The following AKAP13 variants were observed in gnomAD, a reference collection of about 807,000 sequenced individuals.
The protein encoded by AKAP13 is A-kinase anchoring protein 13, also known as A-kinase anchor protein 13.
In AKAP13, 80 loss-of-function variants were observed where a neutral mutation model predicts 264.5. The observed-to-expected ratio is 0.30, with a 90% CI of 0.25 to 0.36. AKAP13 has a LOEUF of 0.36. AKAP13 is among the 10% of genes least tolerant of loss of function. The pLI, the probability that AKAP13 is intolerant of heterozygous loss-of-function variation, is 1.00. For synonymous variants in AKAP13, 1,380 were observed against 1,250.2 expected (o/e 1.10, Z -2.19); for missense variants, 3,712 against 3,435.2 (o/e 1.08, Z -2.01).
intron 30 of AKAP13, among the ~76,000 whole-genome samples, chr15:85,732,679 C>T (rs535268630): frequency 1.3e-4 from 19 of 149,910 alleles, no homozygotes; most frequent in South Asian, 6.3e-4. Flanking sequence ...TCATAGAATT[C>T]GAATATTATA....
rs2076547594 is a variant in AKAP13 at position 85,514,678 on chromosome 15, T to C, written c.34-6750T>C. Among the ~76,000 whole-genome samples the C allele has an allele frequency of 1.4e-5, 2 of 138,250 alleles. 1 individual carries two copies. The highest frequency in any genetic ancestry group is 5.8e-5 in the African/African-American group (2 of 34,348). The allele number at this position is 138,250 out of a possible 152,430, so 90.7% of individuals were successfully genotyped here. A position where few individuals can be genotyped will look rare whatever the true frequency, so the allele number is the denominator to read the frequency against. On this transcript the variant is annotated intron_variant, in intron 2 of 36. Transcript: ENST00000394518. ...TTGCCAAGTTAAAATGCCATGACTT[T>C]GCCTTTTAGCCTATGGAAAAGTTGT...
intron 1 of AKAP13, among the ~76,000 whole-genome samples, chr15:85,445,449 G>A (rs942576158): frequency 2.0e-5 from 3 of 152,172 alleles, no homozygotes; most frequent in Non-Finnish European, 4.4e-5. Flanking sequence ...AATCATTGAT[G>A]CATAAATAAT....
chr15:85,581,364 G>T lies in AKAP13; in HGVS notation c.3296G>T (p.Gly1099Val). The change falls in exon 7 of 37, where the codon GGT (glycine) becomes GTT (valine). Residue 1099 changes from glycine to valine, a missense_variant. By Grantham distance (109) the Gly-to-Val change is moderately radical. Coordinates refer to ENST00000394518, the MANE Select transcript of AKAP13 (RefSeq NM_007200.5). ...VDVTGVNALQ[G>V]MAEPRRENIS... is the part of the protein sequence containing the mutation. ...GTTACAGGGGTTAATGCTCTACAAG[G>T]TATGGCTGAGCCCAGAAGAGAGAAT... 2 of 1,614,220 alleles carry T rather than the reference G, an allele frequency of 1.2e-6. No homozygotes were observed. Among genetic ancestry groups the T allele is most frequent in the East Asian group, 2.2e-5 (1 of 44,888 alleles).
intron 8 of AKAP13, 30 bp from the exon 9 acceptor site, chr15:85,639,344 C>T: frequency 6.6e-7 from 1 of 1,517,494 alleles, no homozygotes; most frequent in Non-Finnish European, 9.1e-7. Context: ...ACTTCAATGT[C>T]TGAAACTCTG....
intron 8 of AKAP13, among the ~76,000 whole-genome samples, chr15:85,626,798 AT>A (rs199614874): frequency 4.0e-4 from 58 of 146,326 alleles, no homozygotes; most frequent in Non-Finnish European, 3.6e-4. Context: ...TGTATGTTTA[AT>A]TTTTTTTTTT....
chr15:85,553,367 C>T (rs2078032364), intron 5 of AKAP13, among the ~76,000 whole-genome samples: 2 of 152,142 alleles, frequency 1.3e-5, no homozygotes, highest in Non-Finnish European at 1.5e-5. Context: ...GGATTACAGG[C>T]ATGAGCCACC....
intron 5 of AKAP13, among the ~76,000 whole-genome samples, chr15:85,545,872 T>C (rs938914521): frequency 6.6e-6 from 1 of 152,212 alleles, no homozygotes; most frequent in African/African-American, 2.4e-5. Flanking sequence ...GTTAAAATAG[T>C]AAATTTTAGG....
intron 3 of AKAP13, 115 bp from the exon 4 acceptor site, chr15:85,533,469 G>C (rs1372892012): frequency 1.9e-6 from 2 of 1,029,858 alleles, no homozygotes; most frequent in African/African-American, 3.2e-5. Context: ...AGGAGGGGGT[G>C]TTTTTTAGGA....
chr15:85,491,503 T>C (rs2075723851), intron 2 of AKAP13, among the ~76,000 whole-genome samples: 1 of 146,396 alleles, frequency 6.8e-6, no homozygotes, highest in Admixed American at 6.8e-5. Context: ...ATATTTATTA[T>C]ATATTATATA....
At chr15:85,430,492 G>A (rs945719556) in intron 1 of AKAP13, among the ~76,000 whole-genome samples, 2 of 152,222 alleles carry the variant, frequency 1.3e-5, no homozygotes, top group Admixed American at 1.3e-4. Flanking sequence ...GGGGATGTGA[G>A]TGATTGGAAT....
Position 85,664,538 on chromosome 15 carries a change from A to AT in AKAP13, c.4800-23dup, listed in dbSNP as rs773391975. 16 of 1,575,756 alleles carry AT rather than the reference A, an allele frequency of 1.0e-5. No individual in the cohort carries two copies. The South Asian group carries it at 1.8e-4, about 17-fold the overall frequency. The stretch of plus-strand genomic sequence containing the variant: ...TTTTTGAGACCCAGAAATAGAATGA[A>AT]TTAACTTTTGTGCCCTATGTTCAGT... On this transcript the variant is annotated intron_variant, in intron 12 of 36. Coordinates refer to ENST00000394518, the MANE Select transcript of AKAP13 (RefSeq NM_007200.5).
chr15:85,743,562 C>T lies in AKAP13; in HGVS notation c.8129C>T (p.Pro2710Leu). The change falls in exon 36 of 37, where the codon CCA (proline) becomes CTA (leucine). Residue 2710 changes from proline (P) to leucine (L), a missense_variant. Transcript: ENST00000394518. ...CCCAGTCCTGAGGAGCCCCCCTCGCCATCTGCACCTTCCATAGCCAAATCA... is the reference window on the plus strand; with the variant it reads ...CCCAGTCCTGAGGAGCCCCCCTCGCTATCTGCACCTTCCATAGCCAAATCA... ...FFPSPEEPPS[P>L]SAPSIAKSGS... 1 of 1,614,172 alleles carries T rather than the reference C, an allele frequency of 6.2e-7. No individual in the cohort carries two copies. The highest frequency in any genetic ancestry group is 8.5e-7 in the Non-Finnish European group (1 of 1,180,030).
At chr15:85,568,423 G>C (rs777303392) in intron 5 of AKAP13, among the ~76,000 whole-genome samples, 31 of 152,238 alleles carry the variant, frequency 2.0e-4, no homozygotes, top group Non-Finnish European at 4.4e-4. Flanking sequence ...GTGGGTTTTG[G>C]ATAGTCTGGA....
chr15:85,390,641 G>C (rs926601747), intron 1 of AKAP13, among the ~76,000 whole-genome samples: 1 of 152,228 alleles, frequency 6.6e-6, no homozygotes, highest in African/African-American at 2.4e-5. Context: ...GGAGAGACTA[G>C]TTAAGAGATT....
chr15:85,734,892 C>T (rs1195710430), intron 30 of AKAP13, 100 bp from the exon 31 acceptor site: 4 of 1,467,218 alleles, frequency 2.7e-6, no homozygotes, highest in Admixed American at 4.4e-5. Context: ...CTCTTTGGAA[C>T]TTTCAAGTCG....
At chr15:85,552,671 A>G (rs1005263935) in intron 5 of AKAP13, among the ~76,000 whole-genome samples, 9 of 117,440 alleles carry the variant, frequency 7.7e-5, no homozygotes, top group African/African-American at 2.3e-4. Context: ...TCTGTCACCC[A>G]GGCTGAAGTG....
rs2089403415 is a variant in AKAP13 at position 85,747,454 on chromosome 15, C to T, written c.*2777C>T. 6.6e-6 allele frequency: 1 copy of T among 152,586 alleles called. No individual in the cohort carries two copies. The allele number at this position is 152,586 out of a possible 1,614,324, so 9.5% of individuals were successfully genotyped here. A position where few individuals can be genotyped will look rare whatever the true frequency, so the allele number is the denominator to read the frequency against. On this transcript the variant is annotated 3_prime_UTR_variant, in exon 37 of 37. Coordinates refer to ENST00000394518, the MANE Select transcript of AKAP13 (RefSeq NM_007200.5). ...TTCCACGCCGGGACACCATGTTCTC[C>T]ATCAAGCTAAAGAAATCACGTGCCT...
chr15:85,533,542 A>G, intron 3 of AKAP13, 42 bp from the exon 4 acceptor site: 2 of 1,531,318 alleles, frequency 1.3e-6, no homozygotes, highest in Non-Finnish European at 1.8e-6. Flanking sequence ...TTCAGCAGTG[A>G]GGCTCTAATA....
intron 2 of AKAP13, among the ~76,000 whole-genome samples, chr15:85,521,201 T>G (rs139549826): frequency 6.0e-4 from 91 of 152,356 alleles, no homozygotes; most frequent in Admixed American, 4.5e-3. Context: ...AAATGTAAGT[T>G]TAAAGAAGAG....
Sources: allele counts gnomAD v4.1 joint callset (sites outside exome capture counted in the v4.1 genomes callset), GRCh38; gene constraint gnomAD v4.1.1; transcripts MANE v1.5; gene names NCBI Gene and HGNC (gene_info 2026-07-23, HGNC 2026-07-21).